Variants in FCHSD2 observed in about 807,000 individuals in gnomAD.
The protein encoded by FCHSD2 is FCH and double SH3 domains 2, also known as F-BAR and double SH3 domains protein 2.
A neutral mutation model predicts 108.1 loss-of-function variants in FCHSD2; 38 were observed. The observed-to-expected ratio is 0.35, with a 90% CI of 0.27 to 0.46. The LOEUF is 0.46. Among genes scored for constraint, FCHSD2 ranks in the 20% least tolerant of loss-of-function variants. FCHSD2 has a pLI of 1.00. For missense variants in FCHSD2, 751 were observed against 897.8 expected (o/e 0.84, Z 2.09); for synonymous variants, 279 against 314.7 (o/e 0.89, Z 1.20).
intron 4 of FCHSD2, among the ~76,000 whole-genome samples, chr11:73,003,339 G>A (rs1275280610): frequency 6.6e-6 from 1 of 152,194 alleles, no homozygotes; most frequent in African/African-American, 2.4e-5. Flanking sequence ...GAAAATTCAT[G>A]ATACACAGAT....
intron 8 of FCHSD2, among the ~76,000 whole-genome samples, chr11:72,958,582 G>A (rs755024582): frequency 6.6e-5 from 10 of 151,974 alleles, no homozygotes; most frequent in African/African-American, 1.4e-4. Flanking sequence ...TAAACACCAC[G>A]GAACAAAATC....
chr11:72,859,480 A>T (rs1309282552), intron 13 of FCHSD2, among the ~76,000 whole-genome samples: 1 of 152,130 alleles, frequency 6.6e-6, no homozygotes, highest in East Asian at 1.9e-4. Context: ...ATAGTATTCT[A>T]TTTTATTACT....
chr11:72,933,019 T>C (rs1350481879), intron 8 of FCHSD2, among the ~76,000 whole-genome samples: 1 of 152,226 alleles, frequency 6.6e-6, no homozygotes, highest in Non-Finnish European at 1.5e-5. Flanking sequence ...AATTTTCAAA[T>C]ATTTTCAGTA....
intron 8 of FCHSD2, among the ~76,000 whole-genome samples, chr11:72,955,293 T>C (rs1356877248): frequency 6.6e-6 from 1 of 152,224 alleles, no homozygotes; most frequent in East Asian, 1.9e-4. Context: ...TACTCATTTA[T>C]TATAAAACAT....
chr11:72,900,333 C>T, intron 10 of FCHSD2: 1 of 1,547,924 alleles, frequency 6.5e-7, no homozygotes, highest in Non-Finnish European at 8.7e-7. Flanking sequence ...TAAACTCTGC[C>T]CAGTAAAGAT....
chr11:73,135,222 T>C (rs1861094712), intron 2 of FCHSD2, among the ~76,000 whole-genome samples: 1 of 152,216 alleles, frequency 6.6e-6, no homozygotes, highest in African/African-American at 2.4e-5. Flanking sequence ...ATGAGTTCCT[T>C]GGTTAAAAGC....
intron 8 of FCHSD2, among the ~76,000 whole-genome samples, chr11:72,945,052 T>A (rs1015954636): frequency 2.6e-5 from 4 of 152,150 alleles, no homozygotes; most frequent in African/African-American, 9.7e-5. Flanking sequence ...AAAACTACTT[T>A]AAAATTCATA....
intron 1 of FCHSD2, among the ~76,000 whole-genome samples, chr11:73,141,614 A>T (rs1012651523): frequency 6.6e-6 from 1 of 152,148 alleles, no homozygotes; most frequent in Non-Finnish European, 1.5e-5. Flanking sequence ...GCACACCCGA[A>T]ACTCTTGTGA....
At chr11:73,005,259 T>C (rs1328705106) in intron 4 of FCHSD2, among the ~76,000 whole-genome samples, 1 of 152,222 alleles carries the variant, frequency 6.6e-6, no homozygotes, top group Middle Eastern at 3.2e-3. Context: ...AAATTACTGT[T>C]TCTACTTTCT....
At chr11:72,855,917 G>T (rs928404200) in intron 13 of FCHSD2, among the ~76,000 whole-genome samples, 1 of 152,114 alleles carries the variant, frequency 6.6e-6, no homozygotes, top group Non-Finnish European at 1.5e-5. Context: ...GAATATGCAC[G>T]TTTTACTTTT....
intron 3 of FCHSD2, among the ~76,000 whole-genome samples, chr11:73,041,680 C>A (rs902527616): frequency 6.6e-6 from 1 of 152,072 alleles, no homozygotes; most frequent in African/African-American, 2.4e-5. Flanking sequence ...ATACCTTCTC[C>A]CATTCTACAG....
intron 2 of FCHSD2, among the ~76,000 whole-genome samples, chr11:73,132,920 A>C (rs866272280): frequency 6.6e-6 from 1 of 152,016 alleles, no homozygotes; most frequent in Non-Finnish European, 1.5e-5. Flanking sequence ...AAGAACTCTT[A>C]AAATTCAATA....
chr11:73,006,302 C>T (rs754611422), intron 4 of FCHSD2, among the ~76,000 whole-genome samples: 26 of 152,126 alleles, frequency 1.7e-4, no homozygotes, highest in Non-Finnish European at 2.9e-4. Context: ...GGCACCTTTA[C>T]ACCTAACATG....
At position 73,019,770 on chromosome 11, in the gene FCHSD2, T is replaced by C. The variant is rs192844531; in HGVS notation, c.166-3885A>G. ...ATAATATTGCACATTTCTGAAAGCA[T>C]TCTATGCTTAAATTAACTGGTTTCC... On this transcript the variant is annotated intron_variant, in intron 3 of 19. Transcript: ENST00000409418. Among the ~76,000 whole-genome samples the C allele has an allele frequency of 1.5e-4, 23 of 152,312 alleles. No homozygotes were observed. The East Asian group carries it at 3.9e-3, about 26-fold the overall frequency.
intron 9 of FCHSD2, among the ~76,000 whole-genome samples, chr11:72,905,804 T>A (rs112195448): frequency 6.6e-6 from 1 of 152,218 alleles, no homozygotes; most frequent in Non-Finnish European, 1.5e-5. Context: ...TTCCATGGTG[T>A]ATATGTGCTA....
At chr11:72,867,322 G>C (rs1040416821) in intron 13 of FCHSD2, among the ~76,000 whole-genome samples, 2 of 152,108 alleles carry the variant, frequency 1.3e-5, no homozygotes, top group African/African-American at 4.8e-5. Context: ...AAAAGCCCTG[G>C]ACTTGAAGTA....
At chr11:73,118,428 T>C (rs530751770) in intron 2 of FCHSD2, among the ~76,000 whole-genome samples, 1 of 152,348 alleles carries the variant, frequency 6.6e-6, no homozygotes, top group Non-Finnish European at 1.5e-5. Context: ...AGGAAACCAC[T>C]GTACTGACTT....
chr11:73,135,534 C>G (rs1031421543), intron 2 of FCHSD2, among the ~76,000 whole-genome samples: 9 of 152,092 alleles, frequency 5.9e-5, no homozygotes, highest in African/African-American at 2.2e-4. Flanking sequence ...GAAAAGTACA[C>G]AGACTCTAGT....
At chr11:72,981,961 G>A (rs1448458918) in intron 8 of FCHSD2, among the ~76,000 whole-genome samples, 1 of 152,206 alleles carries the variant, frequency 6.6e-6, no homozygotes, top group African/African-American at 2.4e-5. Flanking sequence ...AGCCTGTTAT[G>A]ACAGAGCGAG....
Sources: allele counts gnomAD v4.1 joint callset (sites outside exome capture counted in the v4.1 genomes callset), GRCh38; gene constraint gnomAD v4.1.1; transcripts MANE v1.5; gene names NCBI Gene and HGNC (gene_info 2026-07-23, HGNC 2026-07-21).